The following CPB1 variants were observed in gnomAD, a reference collection of about 807,000 sequenced individuals.
CPB1 encodes carboxypeptidase B.
In CPB1, 53 loss-of-function variants were observed where a neutral mutation model predicts 51.4. The ratio of observed to expected loss-of-function variants is 1.03; its 90% CI spans 0.83 to 1.30. CPB1 has a LOEUF of 1.30. Among genes scored for constraint, CPB1 ranks in the 50% most tolerant of loss-of-function variants. CPB1 has a pLI of 0.00. For synonymous variants in CPB1, 189 were observed against 186.9 expected (o/e 1.01, Z -0.09); for missense variants, 494 against 516.2 (o/e 0.96, Z 0.42).
At chr3:148,828,433 A>T (rs763857772) in intron 2 of CPB1, among the ~76,000 whole-genome samples, 6 of 152,228 alleles carry the variant, frequency 3.9e-5, no homozygotes, top group Non-Finnish European at 8.8e-5. Flanking sequence ...GCTTTTGTCC[A>T]ACTTCAAATT....
Position 148,844,464 on chromosome 3 carries a change from T to C in CPB1, c.577-14T>C. ...CATTTTTCCATGAAATTCCTCTTCA[T>C]AATTCACATACAGGCTGTTCGTACC... On this transcript the variant is annotated splice_polypyrimidine_tract_variant and intron_variant, in intron 6 of 10. Coordinates refer to ENST00000282957, the MANE Select transcript of CPB1 (RefSeq NM_001871.3). 1 of 1,590,566 alleles carries C rather than the reference T, an allele frequency of 6.3e-7. No homozygotes were observed. The highest frequency in any genetic ancestry group is 8.6e-7 in the Non-Finnish European group (1 of 1,160,418).
intron 10 of CPB1, among the ~76,000 whole-genome samples, chr3:148,859,440 C>T (rs776586282): frequency 4.6e-5 from 7 of 152,240 alleles, no homozygotes; most frequent in African/African-American, 1.2e-4. Context: ...CAGTTTCAGC[C>T]GGGTTTAGAG....
At chr3:148,832,542 G>A (rs1298575087) in intron 2 of CPB1, among the ~76,000 whole-genome samples, 1 of 152,182 alleles carries the variant, frequency 6.6e-6, no homozygotes, top group Admixed American at 6.5e-5. Flanking sequence ...AGTAAAGGCA[G>A]CCAACAAAGG....
At chr3:148,832,911 T>G (rs1712783667) in intron 2 of CPB1, among the ~76,000 whole-genome samples, 1 of 152,194 alleles carries the variant, frequency 6.6e-6, no homozygotes, top group African/African-American at 2.4e-5. Context: ...GGACTTTATG[T>G]GCTTTGCCAA....
chr3:148,838,474 CG>C (rs1342214891), intron 3 of CPB1: 1 of 151,020 alleles, frequency 6.6e-6, no homozygotes, highest in Non-Finnish European at 1.5e-5. Context: ...CAGTTTCTGT[CG>C]GTTGATTTTT....
At chr3:148,859,419 A>G (rs928541957) in intron 10 of CPB1, among the ~76,000 whole-genome samples, 2 of 152,202 alleles carry the variant, frequency 1.3e-5, no homozygotes, top group East Asian at 1.9e-4. Context: ...CTTCAATCTT[A>G]TCGTTTGGCA....
intron 3 of CPB1, among the ~76,000 whole-genome samples, chr3:148,839,081 G>A (rs1407217798): frequency 6.6e-6 from 1 of 152,170 alleles, no homozygotes; most frequent in Admixed American, 6.5e-5. Context: ...TGTTAAAATA[G>A]GGAGATTATT....
intron 9 of CPB1, chr3:148,856,388 A>G (rs979121084): frequency 4.6e-5 from 7 of 152,252 alleles, no homozygotes; most frequent in Non-Finnish European, 1.0e-4. Flanking sequence ...TTGACATAAG[A>G]TTCTACTAAA....
At chr3:148,828,760 T>C (rs943105027) in intron 2 of CPB1, among the ~76,000 whole-genome samples, 8 of 152,208 alleles carry the variant, frequency 5.3e-5, no homozygotes, top group African/African-American at 1.9e-4. Flanking sequence ...TTCATAAATA[T>C]ATAAACTAAA....
chr3:148,851,143 G>T (rs1236182192), intron 9 of CPB1: 1 of 151,900 alleles, frequency 6.6e-6, no homozygotes, highest in Non-Finnish European at 1.5e-5. Flanking sequence ...GACCAGCCTG[G>T]CCAACATGGT....
At chr3:148,833,121 C>A (rs1712789666) in intron 2 of CPB1, among the ~76,000 whole-genome samples, 1 of 152,166 alleles carries the variant, frequency 6.6e-6, no homozygotes, top group South Asian at 2.1e-4. Flanking sequence ...CTTTCTCTGT[C>A]CTTATCTTAG....
rs1315184425 is a variant in CPB1 at position 148,834,632 on chromosome 3, T to C, written c.272+10T>C. On this transcript the variant is annotated intron_variant, in intron 3 of 10. Transcript: ENST00000282957. ...ATGAACTACAATACAAGTAAGTTTATGTTTTATAAATATTAAAATTCTCTC... is the reference window on the plus strand; with the variant it reads ...ATGAACTACAATACAAGTAAGTTTACGTTTTATAAATATTAAAATTCTCTC... The C allele has an allele frequency of 6.3e-7, 1 of 1,598,158 alleles. No homozygotes were observed. Among genetic ancestry groups the C allele is most frequent in the Non-Finnish European group, 8.6e-7 (1 of 1,167,866 alleles).
intron 9 of CPB1, among the ~76,000 whole-genome samples, chr3:148,853,432 G>T (rs190027579): frequency 6.6e-6 from 1 of 152,300 alleles, no homozygotes; most frequent in East Asian, 1.9e-4. Flanking sequence ...GGAACTCAAT[G>T]CCTGGAGAAA....
rs760724846 is a variant in CPB1, at chr3:148,844,812, TAA to T, written c.778+46_778+47del. On this transcript the variant is annotated intron_variant, in intron 8 of 10. Coordinates refer to ENST00000282957, the MANE Select transcript of CPB1 (RefSeq NM_001871.3). ...TTTTGCATGTATCCATTGAAAAACA[TAA>T]GAGGAAAAATATGAAAACACAACAG... 13 of 1,536,112 alleles carry T rather than the reference TAA, an allele frequency of 8.5e-6. 1 individual carries two copies. In the South Asian group the frequency reaches 1.5e-4, roughly 17 times the overall value.
At chr3:148,859,359 A>G (rs1295767590) in intron 10 of CPB1, among the ~76,000 whole-genome samples, 1 of 152,262 alleles carries the variant, frequency 6.6e-6, no homozygotes, top group Non-Finnish European at 1.5e-5. Context: ...GCCCTATGCT[A>G]GATAAACACT....
chr3:148,860,066 T>A lies in CPB1; in HGVS notation c.*64T>A. Reference sequence around the variant, plus strand: ...TTCATTTCTTTTCTTTCTTGAATTCTTATTTTGGTTTGCCTGGATGTTTTG... The same window carrying A: ...TTCATTTCTTTTCTTTCTTGAATTCATATTTTGGTTTGCCTGGATGTTTTG... On this transcript the variant is annotated 3_prime_UTR_variant, in exon 11 of 11. Coordinates refer to ENST00000282957, the MANE Select transcript of CPB1 (RefSeq NM_001871.3). 2.0e-6 allele frequency: 3 copies of A among 1,520,924 alleles called. No homozygotes were observed. The Admixed American group carries it at 5.6e-5, about 28-fold the overall frequency. 94.2% of individuals were successfully genotyped at this position (1,520,924 alleles called of 1,614,324 possible).
intron 10 of CPB1, among the ~76,000 whole-genome samples, chr3:148,858,621 G>A (rs190534087): frequency 6.6e-6 from 1 of 151,702 alleles, no homozygotes; most frequent in African/African-American, 2.4e-5. Flanking sequence ...CGACAAACAA[G>A]TACCAGGGCT....
chr3:148,829,908 G>T (rs1328089416), intron 2 of CPB1, among the ~76,000 whole-genome samples: 2 of 152,114 alleles, frequency 1.3e-5, no homozygotes, highest in Admixed American at 1.3e-4. Flanking sequence ...GTTACCTAGG[G>T]GTAACTCTGC....
intron 2 of CPB1, among the ~76,000 whole-genome samples, chr3:148,832,236 G>A (rs139614520): frequency 2.0e-5 from 3 of 152,226 alleles, no homozygotes; most frequent in East Asian, 1.9e-4. Context: ...ATATTTGGCA[G>A]AGCTAGGACC....
Sources: gnomAD v4.1 joint callset for allele counts (sites outside exome capture counted in the v4.1 genomes callset) on GRCh38, gnomAD v4.1.1 for gene constraint, MANE v1.5 for transcripts, NCBI Gene and HGNC (gene_info 2026-07-23, HGNC 2026-07-21) for gene names.